TRHDE: variants seen among roughly 807,000 people sequenced by gnomAD.
TRHDE encodes thyrotropin-releasing hormone-degrading ectoenzyme.
Under a neutral mutation model 125.7 loss-of-function variants are expected in TRHDE, and 72 were observed. The observed-to-expected ratio is 0.57, with a 90% confidence interval of 0.47 to 0.70. TRHDE has a LOEUF of 0.70. Among genes scored for constraint, TRHDE ranks in the 30% least tolerant of loss-of-function variants. The pLI, the probability that TRHDE is intolerant of heterozygous loss-of-function variation, is 0.00. For synonymous variants in TRHDE, 509 were observed against 509.1 expected (o/e 1.00, Z 0.00); for missense variants, 1,110 against 1,327.1 (o/e 0.84, Z 2.54).
intron 2 of TRHDE, among the ~76,000 whole-genome samples, chr12:72,207,807 T>C (rs1877699727): frequency 1.3e-5 from 2 of 152,208 alleles, no homozygotes; most frequent in Non-Finnish European, 2.9e-5. Flanking sequence ...GTAGCGCTTT[T>C]CTGTACAACT....
chr12:72,620,873 G>A (rs1361770901), intron 13 of TRHDE, among the ~76,000 whole-genome samples: 1 of 151,986 alleles, frequency 6.6e-6, no homozygotes, highest in African/African-American at 2.4e-5. Context: ...ATTACTTAGT[G>A]ATTTAATAGG....
At chr12:72,639,073 TCTC>T (rs2136096695) in intron 15 of TRHDE, among the ~76,000 whole-genome samples, 1 of 150,874 alleles carries the variant, frequency 6.6e-6, no homozygotes, top group East Asian at 1.9e-4. Flanking sequence ...TTGGGGAAGT[TCTC>T]CTGGATAATA....
intron 6 of TRHDE, among the ~76,000 whole-genome samples, chr12:72,506,015 C>T (rs145655886): frequency 6.6e-6 from 1 of 152,238 alleles, no homozygotes; most frequent in Non-Finnish European, 1.5e-5. Flanking sequence ...ACAATGCAAC[C>T]CAGCCGGGCA....
chr12:72,522,900 A>T (rs1868272516), intron 6 of TRHDE, among the ~76,000 whole-genome samples: 1 of 152,088 alleles, frequency 6.6e-6, no homozygotes, highest in Non-Finnish European at 1.5e-5. Flanking sequence ...TTGTCAGCTC[A>T]CAGTCTGACG....
At chr12:72,247,086 G>A (rs1361247574) in intron 2 of TRHDE, among the ~76,000 whole-genome samples, 1 of 152,104 alleles carries the variant, frequency 6.6e-6, no homozygotes, top group Non-Finnish European at 1.5e-5. Context: ...AAATCCATGG[G>A]TTCTCAAGTC....
At position 72,500,849 on chromosome 12, in the gene TRHDE, CTTTTTTTTTT is replaced by C. The variant is rs11314911; in HGVS notation, c.1722+1228_1722+1237del. 2.7e-3 allele frequency among the ~76,000 whole-genome samples: 299 copies of C among 109,340 alleles called. 2 individuals carry two copies. The highest frequency in any genetic ancestry group is 8.4e-3 in the Admixed American group (86 of 10,228). 71.7% of individuals were successfully genotyped at this position (109,340 alleles called of 152,430 possible). On this transcript the variant is annotated intron_variant, in intron 6 of 18. Coordinates refer to ENST00000261180, the MANE Select transcript of TRHDE (RefSeq NM_013381.3). Reference sequence around the variant, plus strand: ...GTCCTGTTAGTCCTCCAACTTTGTTCTTTTTTTTTTTTTTTTTTTTTTTAAGTTTCTTTGG... The same window carrying C: ...GTCCTGTTAGTCCTCCAACTTTGTTCTTTTTTTTTTTTTAAGTTTCTTTGG...
intron 2 of TRHDE, among the ~76,000 whole-genome samples, chr12:72,175,356 C>A (rs111900448): frequency 6.6e-6 from 1 of 152,162 alleles, no homozygotes; most frequent in Non-Finnish European, 1.5e-5. Context: ...AAATTACTAC[C>A]GTGGTGTTTG....
At position 72,630,142 on chromosome 12, in the gene TRHDE, C is replaced by T. The variant is rs1031659287; in HGVS notation, c.2675+8391C>T. 7.6e-4 allele frequency among the ~76,000 whole-genome samples: 115 copies of T among 151,616 alleles called. 1 individual carries two copies. The highest frequency in any genetic ancestry group is 7.5e-3 in the Admixed American group (114 of 15,140). ...AAAATTAAAGCACACCCACATACAT[C>T]TGTGGGTTGAATAGTGGCCTCCAAA... On this transcript the variant is annotated intron_variant, in intron 15 of 18. Coordinates refer to ENST00000261180, the MANE Select transcript of TRHDE (RefSeq NM_013381.3).
At chr12:72,226,322 T>C (rs925720065) in intron 2 of TRHDE, among the ~76,000 whole-genome samples, 2 of 152,210 alleles carry the variant, frequency 1.3e-5, no homozygotes, top group Admixed American at 6.5e-5. Context: ...CTGCTCATAT[T>C]AGCATGCACA....
chr12:72,336,580 C>T (rs1869839243), intron 2 of TRHDE, among the ~76,000 whole-genome samples: 1 of 152,122 alleles, frequency 6.6e-6, no homozygotes, highest in African/African-American at 2.4e-5. Context: ...TAATGGAATG[C>T]CTGAGACTGG....
intron 7 of TRHDE, among the ~76,000 whole-genome samples, chr12:72,551,972 T>A (rs1373987880): frequency 1.3e-5 from 2 of 152,040 alleles, no homozygotes; most frequent in African/African-American, 4.8e-5. Flanking sequence ...TACAAAGGGT[T>A]AAGACAAGAA....
At chr12:72,396,600 T>C (rs1373225297) in intron 3 of TRHDE, among the ~76,000 whole-genome samples, 1 of 151,942 alleles carries the variant, frequency 6.6e-6, no homozygotes, top group Non-Finnish European at 1.5e-5. Context: ...AAAAATTAGC[T>C]GGGCATGATG....
chr12:72,534,165 C>T (rs746906938), intron 6 of TRHDE, among the ~76,000 whole-genome samples: 6 of 152,066 alleles, frequency 3.9e-5, no homozygotes, highest in Admixed American at 1.3e-4. Flanking sequence ...GATATGCCAA[C>T]GGTTAGTTTA....
intron 3 of TRHDE, among the ~76,000 whole-genome samples, chr12:72,462,918 C>T (rs900039390): frequency 3.9e-5 from 6 of 152,170 alleles, no homozygotes; most frequent in African/African-American, 1.4e-4. Flanking sequence ...TCTGCTGGAA[C>T]AGAGTAAGGA....
chr12:72,272,782 G>A lies in TRHDE; in HGVS notation c.139G>A (p.Gly47Arg), dbSNP rs1459961272. Residue 47 changes from glycine (G) to arginine (R), a missense_variant, in exon 1 of 19, where the codon GGG (glycine) becomes AGG (arginine). By Grantham distance (125) the Gly-to-Arg change is moderately radical. Coordinates refer to ENST00000261180, the MANE Select transcript of TRHDE (RefSeq NM_013381.3). This position sits in a 1 kb window ranked among gnomAD's most constrained non-coding sequence, Gnocchi z 6.7. Reference sequence around the variant, plus strand: ...CAGCTCACCCTTCGCAGCCGCGATGGGGGAAGACGACGCCGCGCTTCGGGC... The same window carrying A: ...CAGCTCACCCTTCGCAGCCGCGATGAGGGAAGACGACGCCGCGCTTCGGGC... ...KSSSPFAAAM[G>R]EDDAALRAGS... 1 of 1,557,386 alleles carries A rather than the reference G, an allele frequency of 6.4e-7. No individual in the cohort carries two copies. The highest frequency in any genetic ancestry group is 1.2e-5 in the South Asian group (1 of 86,206).
intron 2 of TRHDE, among the ~76,000 whole-genome samples, chr12:72,324,373 G>A (rs978161554): frequency 1.3e-5 from 2 of 152,116 alleles, no homozygotes; most frequent in African/African-American, 4.8e-5. Context: ...ATACAGGAAG[G>A]ATTTCCAGAG....
At chr12:72,226,062 T>C (rs1400662563) in intron 2 of TRHDE, among the ~76,000 whole-genome samples, 1 of 152,234 alleles carries the variant, frequency 6.6e-6, no homozygotes, top group Non-Finnish European at 1.5e-5. Flanking sequence ...ATGATATGAA[T>C]GCCATCTGCA....
chr12:72,429,475 T>C (rs1874347729), intron 3 of TRHDE, among the ~76,000 whole-genome samples: 1 of 152,002 alleles, frequency 6.6e-6, no homozygotes, highest in African/African-American at 2.4e-5. Flanking sequence ...TTATGAATAA[T>C]GCTGCTATGA....
At chr12:72,302,081 A>G (rs1868270240) in intron 2 of TRHDE, among the ~76,000 whole-genome samples, 1 of 152,158 alleles carries the variant, frequency 6.6e-6, no homozygotes, top group Non-Finnish European at 1.5e-5. Context: ...GATGTTCGTG[A>G]AGTACGTTCA....
Sources: allele counts gnomAD v4.1 joint callset (sites outside exome capture counted in the v4.1 genomes callset), GRCh38; gene constraint gnomAD v4.1.1; non-coding constraint Gnocchi (gnomAD v3.1); transcripts MANE v1.5; gene names NCBI Gene and HGNC (gene_info 2026-07-23, HGNC 2026-07-21).